Variants in HS3ST4 observed in about 807,000 individuals in gnomAD.
HS3ST4 encodes the protein heparan sulfate-glucosamine 3-sulfotransferase 4.
A neutral mutation model predicts 29.2 loss-of-function variants in HS3ST4; 17 were observed. That is an observed-to-expected ratio of 0.58 (90% CI 0.40 to 0.87). The LOEUF is 0.87. HS3ST4 is among the 40% of genes least tolerant of loss of function. The pLI is 0.00. For synonymous variants in HS3ST4, 314 were observed against 285.7 expected (o/e 1.10, Z -1.00); for missense variants, 627 against 634.5 (o/e 0.99, Z 0.13).
intron 1 of HS3ST4, among the ~76,000 whole-genome samples, chr16:26,008,351 T>C (rs1356367475): frequency 6.6e-6 from 1 of 152,160 alleles, no homozygotes; most frequent in Non-Finnish European, 1.5e-5. Flanking sequence ...TTTATTCACA[T>C]CCACTGAGGC....
At position 26,010,322 on chromosome 16, in the gene HS3ST4, C is replaced by T. The variant is rs142458062; in HGVS notation, c.735-125290C>T. Among the ~76,000 whole-genome samples, 426 of 152,160 alleles carry T rather than the reference C, an allele frequency of 2.8e-3. 3 individuals carry two copies. Among genetic ancestry groups the T allele is most frequent in the African/African-American group, 9.5e-3 (395 of 41,504 alleles). ...TACAAAAATTAGCTGGGTACAGTGG[C>T]GTGCTCCTGTAATCCCAGCTCCTGG... On this transcript the variant is annotated intron_variant, in intron 1 of 1. Coordinates refer to ENST00000331351, the MANE Select transcript of HS3ST4 (RefSeq NM_006040.3).
At chr16:25,832,436 T>C (rs1195306319) in intron 1 of HS3ST4, among the ~76,000 whole-genome samples, 1 of 152,190 alleles carries the variant, frequency 6.6e-6, no homozygotes, top group African/African-American at 2.4e-5. Flanking sequence ...TTTGATGTAA[T>C]TGAAAAGCAC....
At chr16:26,043,073 G>T (rs1178793900) in intron 1 of HS3ST4, among the ~76,000 whole-genome samples, 1 of 152,154 alleles carries the variant, frequency 6.6e-6, no homozygotes, top group Non-Finnish European at 1.5e-5. Flanking sequence ...GCACTTTTAT[G>T]TTAAAATGGT....
intron 1 of HS3ST4, among the ~76,000 whole-genome samples, chr16:25,911,806 A>G (rs1238075904): frequency 4.0e-5 from 6 of 151,278 alleles, no homozygotes; most frequent in African/African-American, 1.2e-4. Context: ...ATTGTGCCTG[A>G]CTCGGATTTT....
chr16:26,087,920 A>G (rs760321944), intron 1 of HS3ST4, among the ~76,000 whole-genome samples: 3 of 152,066 alleles, frequency 2.0e-5, no homozygotes, highest in Admixed American at 6.6e-5. Context: ...CCTCCACTCA[A>G]TGCATTCTTC....
intron 1 of HS3ST4, among the ~76,000 whole-genome samples, chr16:26,002,395 A>G (rs1188166190): frequency 1.3e-5 from 2 of 152,172 alleles, no homozygotes; most frequent in Non-Finnish European, 2.9e-5. Context: ...CAGTGGAAAT[A>G]TATGTCATGA....
At chr16:25,829,532 T>A (rs1967272219) in intron 1 of HS3ST4, among the ~76,000 whole-genome samples, 1 of 152,228 alleles carries the variant, frequency 6.6e-6, no homozygotes, top group African/African-American at 2.4e-5. Flanking sequence ...TTTTGAACAC[T>A]GAATGCATTA....
At chr16:26,119,510 G>A (rs1277326079) in intron 1 of HS3ST4, among the ~76,000 whole-genome samples, 2 of 152,196 alleles carry the variant, frequency 1.3e-5, no homozygotes, top group East Asian at 3.9e-4. Context: ...GCAATTGAGT[G>A]GATGGTGATG....
rs114519978 is a variant in HS3ST4 at position 25,829,094 on chromosome 16, C to T, written c.734+135943C>T. Among the ~76,000 whole-genome samples the T allele has an allele frequency of 5.1e-3, 781 of 152,272 alleles. 4 individuals are homozygous for T. The highest frequency in any genetic ancestry group is 0.018 in the African/African-American group (730 of 41,540). ...ACTGACCAAGGGCAAATGGGGAATA[C>T]GGCTTAGTGTGCAACAAGTGTGTCT... On this transcript the variant is annotated intron_variant, in intron 1 of 1. Transcript: ENST00000331351.
chr16:25,807,532 T>G (rs1967001269), intron 1 of HS3ST4, among the ~76,000 whole-genome samples: 1 of 152,246 alleles, frequency 6.6e-6, no homozygotes. Flanking sequence ...ATAATATTGA[T>G]GTAGCCCAAT....
intron 1 of HS3ST4, among the ~76,000 whole-genome samples, chr16:25,741,459 A>G (rs1192454595): frequency 6.8e-6 from 1 of 147,712 alleles, no homozygotes; most frequent in African/African-American, 2.5e-5. Context: ...AAGTACTTTG[A>G]GGGTCCTGCT....
intron 1 of HS3ST4, among the ~76,000 whole-genome samples, chr16:25,739,378 CAAAA>C (rs200217064): frequency 6.6e-6 from 1 of 151,900 alleles, no homozygotes. Context: ...AATAAACGAA[CAAAA>C]AAAACTTGCT....
chr16:25,908,575 G>C (rs1382122307), intron 1 of HS3ST4, among the ~76,000 whole-genome samples: 1 of 152,194 alleles, frequency 6.6e-6, no homozygotes, highest in Non-Finnish European at 1.5e-5. Flanking sequence ...AGGAATGACT[G>C]AGTGTCACAT....
At chr16:25,705,230 G>A (rs534007231) in intron 1 of HS3ST4, among the ~76,000 whole-genome samples, 232 of 152,268 alleles carry the variant, frequency 1.5e-3, no homozygotes, top group Non-Finnish European at 2.8e-3. Context: ...AGAGGTGTCC[G>A]CACACCATTC....
chr16:26,043,635 T>G (rs923034952), intron 1 of HS3ST4, among the ~76,000 whole-genome samples: 1 of 152,148 alleles, frequency 6.6e-6, no homozygotes, highest in African/African-American at 2.4e-5. Context: ...AGTGTAATGA[T>G]GAGAAGGAAA....
chr16:25,974,390 A>G (rs1968924619), intron 1 of HS3ST4, among the ~76,000 whole-genome samples: 1 of 152,184 alleles, frequency 6.6e-6, no homozygotes, highest in African/African-American at 2.4e-5. Context: ...GCCATTTTTC[A>G]ACACCATATC....
intron 1 of HS3ST4, among the ~76,000 whole-genome samples, chr16:26,066,828 A>T (rs1434709559): frequency 6.6e-6 from 1 of 152,230 alleles, no homozygotes; most frequent in Non-Finnish European, 1.5e-5. Flanking sequence ...AAGGAAGGAG[A>T]TCCCTTTGCA....
At chr16:25,870,242 T>C (rs1338295934) in intron 1 of HS3ST4, among the ~76,000 whole-genome samples, 2 of 152,078 alleles carry the variant, frequency 1.3e-5, no homozygotes, top group Non-Finnish European at 2.9e-5. Flanking sequence ...TATCTATCCA[T>C]CCATATATCC....
intron 1 of HS3ST4, among the ~76,000 whole-genome samples, chr16:25,959,637 C>T (rs1968773873): frequency 6.6e-6 from 1 of 152,146 alleles, no homozygotes; most frequent in South Asian, 2.1e-4. Context: ...CCTACAGGAA[C>T]ACAGAAAGCG....
Sources: allele counts gnomAD v4.1 joint callset (sites outside exome capture counted in the v4.1 genomes callset), GRCh38; gene constraint gnomAD v4.1.1; transcripts MANE v1.5; gene names NCBI Gene and HGNC (gene_info 2026-07-23, HGNC 2026-07-21).